Variants in NLN observed in about 807,000 individuals in gnomAD.
NLN encodes neurolysin.
NLN carries 64 observed loss-of-function variants against 79.9 expected under a neutral mutation model. The ratio of observed to expected loss-of-function variants is 0.80; its 90% CI spans 0.65 to 0.99. The LOEUF is 0.99. Ranked by LOEUF, NLN falls within the 50% of genes least tolerant of loss-of-function variation. The pLI, the probability that NLN is intolerant of heterozygous loss-of-function variation, is 0.00. For missense variants in NLN, 835 were observed against 858.7 expected (o/e 0.97, Z 0.34); for synonymous variants, 267 against 296.6 (o/e 0.90, Z 1.02).
intron 1 of NLN, among the ~76,000 whole-genome samples, chr5:65,747,411 A>T (rs558773532): frequency 1.1e-4 from 17 of 152,310 alleles, no homozygotes; most frequent in African/African-American, 4.1e-4. Flanking sequence ...AGAGCCTGCT[A>T]TGAGAATAGA....
intron 1 of NLN, among the ~76,000 whole-genome samples, chr5:65,750,640 C>G (rs1759083385): frequency 6.6e-6 from 1 of 152,102 alleles, no homozygotes; most frequent in Non-Finnish European, 1.5e-5. Context: ...TGCTTGAGTC[C>G]AGGAGGTCTA....
intron 3 of NLN, among the ~76,000 whole-genome samples, chr5:65,770,576 G>C (rs1009048680): frequency 6.6e-6 from 1 of 152,172 alleles, no homozygotes; most frequent in South Asian, 2.1e-4. Flanking sequence ...GCTTCTAAGA[G>C]TATAACTGAT....
chr5:65,806,870 T>C (rs1760423797), intron 9 of NLN, among the ~76,000 whole-genome samples: 1 of 152,132 alleles, frequency 6.6e-6, no homozygotes, highest in African/African-American at 2.4e-5. Flanking sequence ...GCAAACTGCA[T>C]CTTTGTCTTA....
At chr5:65,818,598 T>C (rs1046015579) in intron 12 of NLN, 1 of 152,248 alleles carries the variant, frequency 6.6e-6, no homozygotes, top group African/African-American at 2.4e-5. Flanking sequence ...TCAAAGCAAT[T>C]CTATTTTTAA....
intron 9 of NLN, among the ~76,000 whole-genome samples, chr5:65,800,611 G>A (rs757875473): frequency 6.6e-6 from 1 of 152,176 alleles, no homozygotes; most frequent in South Asian, 2.1e-4. Flanking sequence ...GGAGCTTGCA[G>A]TGAGCTGAGA....
At chr5:65,795,109 T>C (rs1427207414) in intron 9 of NLN, among the ~76,000 whole-genome samples, 1 of 152,192 alleles carries the variant, frequency 6.6e-6, no homozygotes, top group Non-Finnish European at 1.5e-5. Flanking sequence ...TCCCAGCACT[T>C]TGGGAGGCCG....
At chr5:65,760,258 C>T (rs564600323) in intron 2 of NLN, among the ~76,000 whole-genome samples, 11 of 152,326 alleles carry the variant, frequency 7.2e-5, no homozygotes, top group South Asian at 2.1e-4. Context: ...GCATTTGTTT[C>T]AGTTTCTGCT....
Position 65,722,269 on chromosome 5 carries a change from G to A in NLN, c.-105G>A, listed in dbSNP as rs553942617. 2.3e-6 allele frequency: 2 copies of A among 851,352 alleles called. No homozygotes were observed. Among genetic ancestry groups the A allele is most frequent in the East Asian group, 3.3e-5 (1 of 30,220 alleles). The allele number at this position is 851,352 out of a possible 1,614,324, so 52.7% of individuals were successfully genotyped here. ...GCCAGGCAGCCACTGTGGCCTCTGCGGCTAGGCCGGCTCGAGACTCCCGGG... is the reference window on the plus strand; with the variant it reads ...GCCAGGCAGCCACTGTGGCCTCTGCAGCTAGGCCGGCTCGAGACTCCCGGG... On this transcript the variant is annotated 5_prime_UTR_variant, in exon 1 of 13. Coordinates refer to ENST00000380985, the MANE Select transcript of NLN (RefSeq NM_020726.5).
intron 1 of NLN, among the ~76,000 whole-genome samples, chr5:65,733,893 AT>A (rs1291174614): frequency 1.6e-5 from 2 of 127,518 alleles, no homozygotes; most frequent in Non-Finnish European, 3.4e-5. Flanking sequence ...CTAATTTTGT[AT>A]TTTTTTTTCT....
At position 65,794,427 on chromosome 5, in the gene NLN, A is replaced by G. The variant is rs530251611; in HGVS notation, c.1527+1772A>G. Among the ~76,000 whole-genome samples the G allele has an allele frequency of 1.3e-4, 20 of 152,214 alleles. 1 individual carries two copies. The South Asian group carries it at 4.1e-3, about 32-fold the overall frequency. ...GGAGTTCAAGACCAGCAACATTGTG[A>G]AACCCAGTCTCTACAAAAGATACAA... is the stretch of plus-strand genomic sequence containing the variant. On this transcript the variant is annotated intron_variant, in intron 9 of 12. Transcript: ENST00000380985.
chr5:65,777,958 C>A (rs1179209739), intron 4 of NLN, among the ~76,000 whole-genome samples: 1 of 152,176 alleles, frequency 6.6e-6, no homozygotes, highest in African/African-American at 2.4e-5. Context: ...TAAAATTGTT[C>A]TTTAACCTTG....
Position 65,781,288 on chromosome 5 carries a change from G to A in NLN, c.689G>A (p.Ser230Asn). The A allele has an allele frequency of 6.2e-7, 1 of 1,608,934 alleles. No homozygotes were observed. The highest frequency in any genetic ancestry group is 8.5e-7 in the Non-Finnish European group (1 of 1,176,824). Residue 230 changes from serine to asparagine, a missense_variant, in exon 6 of 13, where the codon AGT (serine) becomes AAT (asparagine). Coordinates refer to ENST00000380985, the MANE Select transcript of NLN (RefSeq NM_020726.5). ...LGALPDDFID[S>N]LEKTDDDKYK... ...GCTCTTCCTGATGATTTCATTGACA[G>A]TTTAGAAAAGACAGATGATGACAAG... is the stretch of plus-strand genomic sequence containing the variant.
chr5:65,784,808 C>A (rs1430655737), intron 6 of NLN, among the ~76,000 whole-genome samples: 1 of 152,150 alleles, frequency 6.6e-6, no homozygotes, highest in Non-Finnish European at 1.5e-5. Context: ...TGAAACTCTA[C>A]CCATTAAGCA....
chr5:65,810,607 C>T (rs116748234), intron 11 of NLN, among the ~76,000 whole-genome samples: 2,426 of 152,128 alleles, frequency 0.016, 73 homozygotes, highest in African/African-American at 0.055. Context: ...ACATACAGTC[C>T]ACTTGCACTC....
intron 3 of NLN, among the ~76,000 whole-genome samples, chr5:65,766,822 A>T (rs764492425): frequency 2.0e-5 from 3 of 152,228 alleles, no homozygotes; most frequent in Non-Finnish European, 4.4e-5. Flanking sequence ...CAAATGGGAG[A>T]AATTGGCCAA....
intron 9 of NLN, among the ~76,000 whole-genome samples, chr5:65,795,079 G>A (rs184412049): frequency 2.2e-4 from 34 of 152,108 alleles, no homozygotes; most frequent in African/African-American, 2.2e-4. Flanking sequence ...CTGACTGGGC[G>A]TGGTGGTTCA....
Position 65,809,692 on chromosome 5 carries a change from G to T in NLN, c.1705G>T (p.Val569Phe). The change falls in exon 10 of 13, where the codon GTC (valine) becomes TTC (phenylalanine). Residue 569 changes from valine to phenylalanine, a missense_variant. Physicochemically the swap from Val to Phe is conservative, Grantham distance 50 (BLOSUM62 -1). Transcript: ENST00000380985. The stretch of plus-strand genomic sequence containing the variant: ...TGAAAAACTTGTTGCTTCTAGGCTG[G>T]TCAACACAGGTATGACTTCTAATTT... Reference protein sequence around the residue: ...LLEKLVASRLVNTGLLTLRQI... With the variant: ...LLEKLVASRLFNTGLLTLRQI... 1 of 1,598,304 alleles carries T rather than the reference G, an allele frequency of 6.3e-7. No individual in the cohort carries two copies. Among genetic ancestry groups the T allele is most frequent in the Middle Eastern group, 1.7e-4 (1 of 5,986 alleles).
At chr5:65,777,605 C>A in intron 4 of NLN, 71 bp downstream of exon 4, 1 of 1,025,206 alleles carries the variant, frequency 9.8e-7, no homozygotes, top group South Asian at 1.5e-5. Context: ...GGTTGAACAT[C>A]CCTAATCCAG....
rs921597999 is a variant in NLN, at chr5:65,822,987, C to T, written c.*72C>T. ...TCACCATGTGTTACTGGCCTGGAAA[C>T]TGAAGGGAGTTTTGCAAGTGAAAAT... On this transcript the variant is annotated 3_prime_UTR_variant, in exon 13 of 13. Coordinates refer to ENST00000380985, the MANE Select transcript of NLN (RefSeq NM_020726.5). 4.8e-6 allele frequency: 6 copies of T among 1,248,966 alleles called. No individual in the cohort carries two copies. The highest frequency in any genetic ancestry group is 6.8e-6 in the Non-Finnish European group (6 of 877,148). 77.4% of individuals were successfully genotyped at this position (1,248,966 alleles called of 1,614,324 possible).
Sources: gnomAD v4.1 joint callset for allele counts (sites outside exome capture counted in the v4.1 genomes callset) on GRCh38, gnomAD v4.1.1 for gene constraint, MANE v1.5 for transcripts, NCBI Gene and HGNC (gene_info 2026-07-23, HGNC 2026-07-21) for gene names.